The following AUTS2 variants were observed in gnomAD, a reference collection of about 807,000 sequenced individuals.
AUTS2 encodes the protein autism susceptibility gene 2 protein.
AUTS2 carries 17 observed loss-of-function variants against 112.4 expected under a neutral mutation model. The observed-to-expected ratio is 0.15, with a 90% confidence interval of 0.10 to 0.23. The LOEUF is 0.23. AUTS2 is among the 10% of genes least tolerant of loss of function. The pLI is 1.00. For synonymous variants in AUTS2, 751 were observed against 702.7 expected, an observed-to-expected ratio of 1.07 and a Z score of -1.09; for missense variants, 1,510 against 1,701.6, an observed-to-expected ratio of 0.89 and a Z score of 1.98.
At chr7:70,774,208 GT>G (rs1790544255) in intron 12 of AUTS2, 109 bp downstream of exon 12, 1 of 977,548 alleles carries the variant, frequency 1.0e-6, no homozygotes, top group Non-Finnish European at 1.6e-6. Flanking sequence ...GCGAGCTGCT[GT>G]TTCAGCTGTT....
chr7:70,233,286 C>T (rs894690045), intron 4 of AUTS2, among the ~76,000 whole-genome samples: 4 of 151,952 alleles, frequency 2.6e-5, no homozygotes, highest in Admixed American at 6.6e-5. Flanking sequence ...ACATACACCT[C>T]GCAGGCTCTC....
In AUTS2 at chr7:70,310,133, CT is replaced by C. The variant is rs5884778; in HGVS notation, c.661-125604del. Among the ~76,000 whole-genome samples the C allele has an allele frequency of 7.7e-3, 1,072 of 139,592 alleles. 2 individuals carry two copies. The highest frequency in any genetic ancestry group is 0.012 in the East Asian group (56 of 4,752). 91.6% of individuals were successfully genotyped at this position (139,592 alleles called of 152,430 possible). A position where few individuals can be genotyped will look rare whatever the true frequency, so the allele number is the denominator to read the frequency against. ...AAAGGGAGATGAAAACAAACTAAAT[CT>C]TTTTTTTTTTTTTTGGCCCAGATTT... On this transcript the variant is annotated intron_variant, in intron 4 of 18. Transcript: ENST00000342771.
At chr7:69,789,170 G>A (rs1789507124) in intron 1 of AUTS2, among the ~76,000 whole-genome samples, 1 of 152,114 alleles carries the variant, frequency 6.6e-6, no homozygotes, top group Non-Finnish European at 1.5e-5. Flanking sequence ...CTTTGACAGA[G>A]TGCAGCTAAG....
rs997704611 is a variant in AUTS2 at position 70,533,521 on chromosome 7, C to A, written c.690+97740C>A. ...TGCTTTTCTCACAAAAGAGCTGTTC[C>A]AGACTGCCCTTAGAATGTTTTCTCC... is the stretch of plus-strand genomic sequence containing the variant. On this transcript the variant is annotated intron_variant, in intron 5 of 18. Transcript: ENST00000342771. Among the ~76,000 whole-genome samples the A allele has an allele frequency of 1.2e-4, 18 of 152,146 alleles. 1 individual carries two copies. The highest frequency in any genetic ancestry group is 1.0e-3 in the Admixed American group (16 of 15,274).
chr7:70,570,611 A>T (rs1585315491), intron 5 of AUTS2, among the ~76,000 whole-genome samples: 1 of 151,980 alleles, frequency 6.6e-6, no homozygotes, highest in Non-Finnish European at 1.5e-5. Flanking sequence ...ACGTTCCTTT[A>T]ACTTCATGAC....
At chr7:70,646,827 C>T (rs986649382) in intron 5 of AUTS2, among the ~76,000 whole-genome samples, 2 of 152,242 alleles carry the variant, frequency 1.3e-5, no homozygotes, top group Non-Finnish European at 2.9e-5. Flanking sequence ...AAGCTGGGGC[C>T]AGGACCGGGC....
At chr7:70,784,791 C>A in intron 15 of AUTS2, 151 bp from the exon 16 acceptor site, 1 of 512,204 alleles carries the variant, frequency 2.0e-6, no homozygotes. Flanking sequence ...TTTCTTTTAC[C>A]CTGTGTCTTG....
In AUTS2 at chr7:70,785,022, G is replaced by A; in HGVS notation, c.2224+3G>A. The A allele has an allele frequency of 1.2e-6, 2 of 1,614,118 alleles. No individual in the cohort carries two copies. The highest frequency in any genetic ancestry group is 4.5e-5 in the East Asian group (2 of 44,866). On this transcript the variant is annotated splice_donor_region_variant and intron_variant, in intron 16 of 18. Transcript: ENST00000342771. ...CCTCAACCCTGCTGCCCACCTAGGTGAGTCGCCCAAAATAATGGGAACTGA... is the reference window on the plus strand; with the variant it reads ...CCTCAACCCTGCTGCCCACCTAGGTAAGTCGCCCAAAATAATGGGAACTGA...
At chr7:70,438,956 C>T (rs367677762) in intron 5 of AUTS2, among the ~76,000 whole-genome samples, 3 of 152,282 alleles carry the variant, frequency 2.0e-5, no homozygotes, top group African/African-American at 4.8e-5. Flanking sequence ...TCTGCAGAAC[C>T]GGCAGGCTAA....
chr7:70,328,731 T>A (rs922972410), intron 4 of AUTS2, among the ~76,000 whole-genome samples: 2 of 152,166 alleles, frequency 1.3e-5, no homozygotes, highest in African/African-American at 4.8e-5. Context: ...CAGTTTATGA[T>A]GCAAGATTTA....
At chr7:70,323,210 T>C (rs918222150) in intron 4 of AUTS2, among the ~76,000 whole-genome samples, 2 of 152,204 alleles carry the variant, frequency 1.3e-5, no homozygotes, top group Admixed American at 6.5e-5. Flanking sequence ...GTTTCTACAG[T>C]TAGCATTCGC....
At chr7:70,775,305 G>A in intron 12 of AUTS2, 52 bp from the exon 13 acceptor site, 2 of 1,526,886 alleles carry the variant, frequency 1.3e-6, no homozygotes, top group South Asian at 1.2e-5. Context: ...GTTAATTAGA[G>A]CAATTGTTTG....
intron 4 of AUTS2, among the ~76,000 whole-genome samples, chr7:70,338,476 G>A (rs568643556): frequency 3.3e-5 from 5 of 152,256 alleles, no homozygotes; most frequent in Admixed American, 3.3e-4. Context: ...TGAGATCATA[G>A]GAAAATTTAG....
At chr7:70,388,344 C>T (rs1439473089) in intron 4 of AUTS2, among the ~76,000 whole-genome samples, 1 of 152,172 alleles carries the variant, frequency 6.6e-6, no homozygotes, top group Non-Finnish European at 1.5e-5. Flanking sequence ...ATTGTTATAA[C>T]TCCTGTGACT....
At chr7:70,705,298 G>T (rs1809675809) in intron 6 of AUTS2, among the ~76,000 whole-genome samples, 1 of 152,212 alleles carries the variant, frequency 6.6e-6, no homozygotes, top group South Asian at 2.1e-4. Context: ...TGACTGTACT[G>T]TATAAGGAAA....
intron 5 of AUTS2, among the ~76,000 whole-genome samples, chr7:70,454,133 C>T (rs1796638445): frequency 6.6e-6 from 1 of 152,152 alleles, no homozygotes; most frequent in East Asian, 1.9e-4. Flanking sequence ...CTATGACTGC[C>T]ACCAAGGATG....
In AUTS2 at chr7:70,736,362, A is replaced by G. The variant is rs561862087; in HGVS notation, c.743-26508A>G. ...AAAGTAGATGTCAGTATGGAAAAAT[A>G]CTTTTACTACCAAGTGATATAAAAT... On this transcript the variant is annotated intron_variant, in intron 6 of 18. Coordinates refer to ENST00000342771, the MANE Select transcript of AUTS2 (RefSeq NM_015570.4). Among the ~76,000 whole-genome samples, 6 of 76,198 alleles carry G rather than the reference A, an allele frequency of 7.9e-5. No individual in the cohort carries two copies. In the East Asian group the frequency reaches 3.2e-3, roughly 41 times the overall value. The allele number at this position is 76,198 out of a possible 152,430, so 50.0% of individuals were successfully genotyped here. A position where few individuals can be genotyped will look rare whatever the true frequency, so the allele number is the denominator to read the frequency against.
chr7:69,798,565 A>G (rs1375656028), intron 1 of AUTS2, among the ~76,000 whole-genome samples: 1 of 152,194 alleles, frequency 6.6e-6, no homozygotes, highest in East Asian at 1.9e-4. Context: ...ATATGTTTAC[A>G]TACTGTACTC....
Position 70,080,952 on chromosome 7 carries a change from A to AC in AUTS2, c.523-37177dup, listed in dbSNP as rs538386359. 1.8e-4 allele frequency among the ~76,000 whole-genome samples: 28 copies of AC among 152,336 alleles called. No homozygotes were observed. In the East Asian group the frequency reaches 4.2e-3, roughly 23 times the overall value. ...ATTAGGACCTCAGCAAGGCTTTGGA[A>AC]CCCAACACATTGAAAGATAATTGAG... On this transcript the variant is annotated intron_variant, in intron 2 of 18. Transcript: ENST00000342771.
Sources: gnomAD v4.1 joint callset for allele counts (sites outside exome capture counted in the v4.1 genomes callset) on GRCh38, gnomAD v4.1.1 for gene constraint, MANE v1.5 for transcripts, NCBI Gene and HGNC (gene_info 2026-07-23, HGNC 2026-07-21) for gene names.